The following RBFOX1 variants were observed in gnomAD, a reference collection of about 807,000 sequenced individuals.
The protein encoded by RBFOX1 is RNA binding protein fox-1 homolog 1.
Under a neutral mutation model 57.7 loss-of-function variants are expected in RBFOX1, and 8 were observed. The observed-to-expected ratio is 0.14, with a 90% CI of 0.08 to 0.25. RBFOX1 has a LOEUF of 0.25. RBFOX1 is among the 10% of genes least tolerant of loss of function. The probability of loss-of-function intolerance (pLI) is 1.00; values close to 1 mark genes in which losing one functional copy is unlikely to be tolerated. For synonymous variants in RBFOX1, 326 were observed against 222.4 expected, an observed-to-expected ratio of 1.47 and a Z score of -4.15; for missense variants, 611 against 548.5, an observed-to-expected ratio of 1.11 and a Z score of -1.14.
At chr16:7,106,185 G>C (rs2063553829) in intron 4 of RBFOX1, among the ~76,000 whole-genome samples, 1 of 152,100 alleles carries the variant, frequency 6.6e-6, no homozygotes, top group African/African-American at 2.4e-5. Flanking sequence ...CATTTTTCCT[G>C]TGGGCTCTTT....
chr16:7,030,731 C>G (rs2042574996), intron 3 of RBFOX1, among the ~76,000 whole-genome samples: 1 of 152,084 alleles, frequency 6.6e-6, no homozygotes, highest in Non-Finnish European at 1.5e-5. Context: ...CTGGGTGGAC[C>G]TGAATTTGAA....
chr16:6,122,790 C>G (rs981741274), intron 1 of RBFOX1, among the ~76,000 whole-genome samples: 53 of 122,106 alleles, frequency 4.3e-4, no homozygotes, highest in African/African-American at 1.8e-3. Context: ...ATCTGTGTGG[C>G]TATGTGTGTG....
At chr16:6,156,444 C>T (rs1421709136) in intron 1 of RBFOX1, among the ~76,000 whole-genome samples, 1 of 152,232 alleles carries the variant, frequency 6.6e-6, no homozygotes, top group African/African-American at 2.4e-5. Context: ...CTTGGATGAA[C>T]ATGCCCATGT....
chr16:5,916,940 C>T (rs943195775), intron 4 of RBFOX1, among the ~76,000 whole-genome samples: 1 of 152,130 alleles, frequency 6.6e-6, no homozygotes, highest in Non-Finnish European at 1.5e-5. Flanking sequence ...GCAGGACGAG[C>T]TAGTGGGTGT....
At chr16:6,345,493 TC>T (rs1243935505) in intron 2 of RBFOX1, among the ~76,000 whole-genome samples, 1 of 152,082 alleles carries the variant, frequency 6.6e-6, no homozygotes, top group Non-Finnish European at 1.5e-5. Context: ...AAGCTGCTTC[TC>T]CCCCAGCCCT....
intron 3 of RBFOX1, among the ~76,000 whole-genome samples, chr16:5,695,781 C>T (rs1465210061): frequency 1.3e-5 from 2 of 152,092 alleles, no homozygotes; most frequent in Non-Finnish European, 2.9e-5. Context: ...GTTTTGTATA[C>T]TGAACATTTA....
chr16:6,171,354 T>C (rs2096959085), intron 1 of RBFOX1, among the ~76,000 whole-genome samples: 1 of 152,228 alleles, frequency 6.6e-6, no homozygotes, highest in African/African-American at 2.4e-5. Flanking sequence ...AGCATTTAGG[T>C]TGTTCTCAAT....
chr16:6,304,389 G>T (rs1757371970), intron 1 of RBFOX1, among the ~76,000 whole-genome samples: 2 of 152,066 alleles, frequency 1.3e-5, no homozygotes, highest in South Asian at 2.1e-4. Context: ...AGCCTCTTGT[G>T]AGCTCCCAGA....
chr16:7,028,073 A>G (rs1248816443), intron 3 of RBFOX1, among the ~76,000 whole-genome samples: 1 of 152,122 alleles, frequency 6.6e-6, no homozygotes, highest in Non-Finnish European at 1.5e-5. Context: ...GCCCTGAGAA[A>G]CGTGGTTTCT....
At chr16:6,811,848 C>T (rs1477243165) in intron 3 of RBFOX1, among the ~76,000 whole-genome samples, 1 of 152,158 alleles carries the variant, frequency 6.6e-6, no homozygotes, top group Non-Finnish European at 1.5e-5. Context: ...GAGATTGTGC[C>T]ATTGCACTCG....
chr16:7,430,949 A>T (rs538105257), intron 4 of RBFOX1, among the ~76,000 whole-genome samples: 1 of 152,348 alleles, frequency 6.6e-6, no homozygotes, highest in South Asian at 2.1e-4. Context: ...CTAGTTTCTT[A>T]GACTCAGAAA....
At chr16:6,302,850 A>G (rs566574292) in intron 1 of RBFOX1, among the ~76,000 whole-genome samples, 70 of 152,328 alleles carry the variant, frequency 4.6e-4, no homozygotes, top group African/African-American at 1.7e-3. Flanking sequence ...TATTTTTAAG[A>G]CATTTTTCAG....
At chr16:6,542,495 T>TTTTTTTTC in intron 2 of RBFOX1, among the ~76,000 whole-genome samples, 1 of 127,192 alleles carries the variant, frequency 7.9e-6, no homozygotes, top group Non-Finnish European at 1.7e-5. Context: ...TTTTTTTTTT[T>TTTTTTTTC]TTTTTTTTTT....
chr16:6,756,163 T>C (rs2075755573), intron 3 of RBFOX1, among the ~76,000 whole-genome samples: 1 of 152,176 alleles, frequency 6.6e-6, no homozygotes, highest in Admixed American at 6.5e-5. Context: ...TTAAAAAATA[T>C]ATACTGTAGT....
intron 4 of RBFOX1, among the ~76,000 whole-genome samples, chr16:7,187,861 T>C (rs1485197933): frequency 3.9e-5 from 6 of 152,170 alleles, no homozygotes; most frequent in Non-Finnish European, 8.8e-5. Context: ...GCCTAATTTA[T>C]GGCGGTCATA....
At chr16:7,297,051 C>A (rs767773400) in intron 4 of RBFOX1, among the ~76,000 whole-genome samples, 1 of 152,102 alleles carries the variant, frequency 6.6e-6, no homozygotes. Context: ...TCCATGGGAG[C>A]CATAGTCAGT....
chr16:6,548,551 C>T (rs891038369), intron 2 of RBFOX1, among the ~76,000 whole-genome samples: 3 of 152,176 alleles, frequency 2.0e-5, no homozygotes, highest in Non-Finnish European at 4.4e-5. Flanking sequence ...CAAGTAAGCT[C>T]TCCAGGTAGT....
At chr16:7,337,280 C>A (rs1028781371) in intron 4 of RBFOX1, among the ~76,000 whole-genome samples, 3 of 152,092 alleles carry the variant, frequency 2.0e-5, no homozygotes, top group Non-Finnish European at 4.4e-5. Flanking sequence ...TATGAAAACA[C>A]AGGAAAGGAA....
At chr16:5,948,204 A>C (rs1453409962) in intron 4 of RBFOX1, among the ~76,000 whole-genome samples, 1 of 152,192 alleles carries the variant, frequency 6.6e-6, no homozygotes, top group Non-Finnish European at 1.5e-5. Context: ...GAGACATCTC[A>C]CATGTTAATT....
Sources: allele counts gnomAD v4.1 joint callset (sites outside exome capture counted in the v4.1 genomes callset), GRCh38; gene constraint gnomAD v4.1.1; transcripts MANE v1.5; gene names NCBI Gene and HGNC (gene_info 2026-07-23, HGNC 2026-07-21).